MCC: variants seen among roughly 807,000 people sequenced by gnomAD.
The protein encoded by MCC is colorectal mutant cancer protein.
Under a neutral mutation model 116.2 loss-of-function variants are expected in MCC, and 90 were observed. The ratio of observed to expected loss-of-function variants is 0.77; its 90% confidence interval spans 0.65 to 0.92. MCC has a LOEUF of 0.92. Ranked by LOEUF, MCC falls within the 40% of genes least tolerant of loss-of-function variation. The pLI is 0.00. For synonymous variants in MCC, 578 were observed against 510.5 expected (o/e 1.13, Z -1.78); for missense variants, 1,516 against 1,312.2 (o/e 1.16, Z -2.40).
At chr5:113,306,156 T>G (rs1171001948) in intron 3 of MCC, among the ~76,000 whole-genome samples, 3 of 152,230 alleles carry the variant, frequency 2.0e-5, no homozygotes, top group Non-Finnish European at 4.4e-5. Context: ...GTTCATCAAT[T>G]GATGAATATT....
chr5:113,171,143 GTGCTA>G (rs1213006474), intron 3 of MCC, among the ~76,000 whole-genome samples: 3 of 151,968 alleles, frequency 2.0e-5, no homozygotes, highest in Non-Finnish European at 4.4e-5. Flanking sequence ...GTTTAGCAGA[GTGCTA>G]TCACAGCATG....
chr5:113,448,797 G>T (rs1580389118), intron 1 of MCC, among the ~76,000 whole-genome samples: 1 of 152,290 alleles, frequency 6.6e-6, no homozygotes, highest in Non-Finnish European at 1.5e-5. Flanking sequence ...GAAGAAGAAG[G>T]TGCCTAAAAA....
chr5:113,031,155 GC>G (rs761890086), intron 17 of MCC, among the ~76,000 whole-genome samples: 1 of 152,190 alleles, frequency 6.6e-6, no homozygotes, highest in Non-Finnish European at 1.5e-5. Context: ...ATCCAGGCCT[GC>G]TTTTGGGAGA....
At chr5:113,113,683 T>G in intron 6 of MCC, among the ~76,000 whole-genome samples, 1 of 142,312 alleles carries the variant, frequency 7.0e-6, no homozygotes, top group Non-Finnish European at 1.5e-5. Context: ...TAACCTCAAG[T>G]CTTGTAAGAA....
At chr5:113,183,111 T>A (rs868279674) in intron 3 of MCC, among the ~76,000 whole-genome samples, 6 of 152,174 alleles carry the variant, frequency 3.9e-5, no homozygotes, top group Admixed American at 1.3e-4. Context: ...GGTCCGTGGC[T>A]GCCAGATGAT....
At chr5:113,296,690 C>T (rs1376027650) in intron 3 of MCC, among the ~76,000 whole-genome samples, 3 of 152,044 alleles carry the variant, frequency 2.0e-5, no homozygotes, top group Admixed American at 2.0e-4. Context: ...AAAAAATGGG[C>T]CTTCTCAATA....
At chr5:113,129,188 T>TGA (rs941079927) in intron 5 of MCC, among the ~76,000 whole-genome samples, 3 of 151,898 alleles carry the variant, frequency 2.0e-5, no homozygotes, top group Non-Finnish European at 2.9e-5. Flanking sequence ...GTTAAAGGTG[T>TGA]GAGAGAGAGA....
chr5:113,179,958 T>C (rs1316649858), intron 3 of MCC, among the ~76,000 whole-genome samples: 5 of 152,150 alleles, frequency 3.3e-5, no homozygotes, highest in Non-Finnish European at 7.4e-5. Context: ...CATACCTACA[T>C]CTTGGTTCTG....
Position 113,433,823 on chromosome 5 carries a change from C to T in MCC, c.171-48611G>A, listed in dbSNP as rs56393438. 662 of 1,613,964 alleles carry T rather than the reference C, an allele frequency of 4.1e-4. 5 individuals are homozygous for T. The East Asian group carries it at 9.4e-3, about 23-fold the overall frequency. On this transcript the variant is annotated intron_variant, in intron 1 of 18. Transcript: ENST00000408903. Reference sequence around the variant, plus strand: ...GCTTGCTGGGGAAACCCAGGATCTCCGACTGCCTGGACATTTGCATTGCTG... The same window carrying T: ...GCTTGCTGGGGAAACCCAGGATCTCTGACTGCCTGGACATTTGCATTGCTG...
intron 1 of MCC, among the ~76,000 whole-genome samples, chr5:113,461,936 G>C (rs905551158): frequency 6.6e-6 from 1 of 151,958 alleles, no homozygotes; most frequent in African/African-American, 2.4e-5. Context: ...GCTAAATAGA[G>C]GACACACTAG....
At chr5:113,370,593 C>A (rs1394132419) in intron 2 of MCC, among the ~76,000 whole-genome samples, 1 of 152,194 alleles carries the variant, frequency 6.6e-6, no homozygotes, top group Admixed American at 6.5e-5. Context: ...GAGTTAAGGT[C>A]TTTCTTCTAA....
intron 1 of MCC, among the ~76,000 whole-genome samples, chr5:113,400,279 T>C (rs112023263): frequency 0.014 from 2,160 of 151,990 alleles, 20 homozygotes; most frequent in Non-Finnish European, 0.023. Flanking sequence ...CCCGCCACTA[T>C]GCCCAGCTAA....
intron 17 of MCC, among the ~76,000 whole-genome samples, chr5:113,033,730 C>A (rs1313764161): frequency 2.0e-5 from 3 of 152,154 alleles, no homozygotes; most frequent in Non-Finnish European, 4.4e-5. Context: ...CACAAATATA[C>A]CCCATAGCAT....
At chr5:113,039,720 C>CT (rs1004525580) in intron 17 of MCC, among the ~76,000 whole-genome samples, 3 of 147,672 alleles carry the variant, frequency 2.0e-5, no homozygotes, top group Admixed American at 1.3e-4. Context: ...CGCCCCCCCC[C>CT]CCAACCCACC....
chr5:113,419,146 T>C (rs1293126778), intron 1 of MCC, among the ~76,000 whole-genome samples: 1 of 151,754 alleles, frequency 6.6e-6, no homozygotes, highest in Non-Finnish European at 1.5e-5. Context: ...TTGAAGGTGA[T>C]AGGAATATTC....
chr5:113,318,129 T>A (rs1484584618), intron 3 of MCC, among the ~76,000 whole-genome samples: 1 of 152,030 alleles, frequency 6.6e-6, no homozygotes, highest in Admixed American at 6.6e-5. Flanking sequence ...CTTGAAGAGT[T>A]TAGTTAGCTG....
At chr5:113,165,258 G>A (rs1760706678) in intron 3 of MCC, among the ~76,000 whole-genome samples, 1 of 152,188 alleles carries the variant, frequency 6.6e-6, no homozygotes, top group Non-Finnish European at 1.5e-5. Context: ...CTCAAAAGCA[G>A]CCTGTCCTCC....
At chr5:113,098,530 T>C (rs371602157) in intron 8 of MCC, among the ~76,000 whole-genome samples, 35 of 152,334 alleles carry the variant, frequency 2.3e-4, no homozygotes, top group African/African-American at 7.9e-4. Context: ...TGTGAGGAAA[T>C]ACATGGTTAT....
rs766711883 is a variant in MCC at position 113,208,683 on chromosome 5, T to C, written c.628-57261A>G. ...CTGTGTTTTTAAGGTTTCTAGAAAC[T>C]GAGGCAAAGAGGAGTCACAGAAAAT... On this transcript the variant is annotated intron_variant, in intron 3 of 18. Transcript: ENST00000408903. 9.2e-5 allele frequency among the ~76,000 whole-genome samples: 14 copies of C among 152,152 alleles called. 1 individual carries two copies. Among genetic ancestry groups the C allele is most frequent in the Non-Finnish European group, 7.3e-5 (5 of 68,030 alleles).
Sources: allele counts gnomAD v4.1 joint callset (sites outside exome capture counted in the v4.1 genomes callset), GRCh38; gene constraint gnomAD v4.1.1; transcripts MANE v1.5; gene names NCBI Gene and HGNC (gene_info 2026-07-23, HGNC 2026-07-21).